GABBR2: variants seen among roughly 807,000 people sequenced by gnomAD.
GABBR2 encodes gamma-aminobutyric acid type B receptor subunit 2.
In GABBR2, 23 loss-of-function variants were observed where a neutral mutation model predicts 105.6. That is an observed-to-expected ratio of 0.22 (90% CI 0.16 to 0.31). The LOEUF is 0.31. Ranked by LOEUF, GABBR2 falls within the 10% of genes least tolerant of loss-of-function variation. GABBR2 has a pLI of 1.00. For synonymous variants in GABBR2, 478 were observed against 499.7 expected, an observed-to-expected ratio of 0.96 and a Z score of 0.58; for missense variants, 734 against 1,245.5, an observed-to-expected ratio of 0.59 and a Z score of 6.18.
At chr9:98,537,954 T>C (rs1681205357) in intron 3 of GABBR2, among the ~76,000 whole-genome samples, 1 of 152,136 alleles carries the variant, frequency 6.6e-6, no homozygotes, top group African/African-American at 2.4e-5. Context: ...GCCTCACCAC[T>C]CACCCCCAGG....
intron 17 of GABBR2, among the ~76,000 whole-genome samples, chr9:98,297,154 AATTTAAAATGCC>A (rs2131340995): frequency 6.6e-6 from 1 of 152,224 alleles, no homozygotes; most frequent in East Asian, 1.9e-4. Flanking sequence ...TTTTCCCACA[AATTTAAAATGCC>A]CACTTTTACC....
At chr9:98,522,699 G>A (rs1827890552) in intron 3 of GABBR2, among the ~76,000 whole-genome samples, 1 of 152,162 alleles carries the variant, frequency 6.6e-6, no homozygotes. Flanking sequence ...ATGTACTCAT[G>A]CCACAGAGAG....
At chr9:98,666,995 C>T (rs1336797245) in intron 1 of GABBR2, among the ~76,000 whole-genome samples, 2 of 152,090 alleles carry the variant, frequency 1.3e-5, no homozygotes, top group Admixed American at 6.5e-5. Flanking sequence ...GCTCCGTGGT[C>T]CTTTGCCCAA....
At chr9:98,375,031 C>T (rs910864301) in intron 11 of GABBR2, 1 of 152,170 alleles carries the variant, frequency 6.6e-6, no homozygotes, top group African/African-American at 2.4e-5. Flanking sequence ...CACAGTGAGT[C>T]CCCATATTAA....
At chr9:98,544,876 G>A (rs990363475) in intron 2 of GABBR2, among the ~76,000 whole-genome samples, 2 of 152,136 alleles carry the variant, frequency 1.3e-5, no homozygotes, top group Non-Finnish European at 2.9e-5. Context: ...TAGTGAGTGC[G>A]GGAAATAAAG....
chr9:98,431,248 A>ATCTT (rs962466859), intron 7 of GABBR2, among the ~76,000 whole-genome samples: 4 of 151,884 alleles, frequency 2.6e-5, no homozygotes, highest in Non-Finnish European at 4.4e-5. Context: ...CCTCCTACAC[A>ATCTT]TCTTTCTTTC....
chr9:98,640,574 T>C (rs993503883), intron 1 of GABBR2, among the ~76,000 whole-genome samples: 7 of 152,096 alleles, frequency 4.6e-5, no homozygotes, highest in Non-Finnish European at 2.9e-5. Context: ...TGGATGTACA[T>C]GGAGTGTACG....
chr9:98,692,672 C>T lies in GABBR2; in HGVS notation c.321+15745G>A, dbSNP rs372576061. On this transcript the variant is annotated intron_variant, in intron 1 of 18. Coordinates refer to ENST00000259455, the MANE Select transcript of GABBR2 (RefSeq NM_005458.8). ...GGCACTGGGCTCAGAGTCGGGCCAA[C>T]TTAGACTCGCTGCCTCACACCCCAG... Among the ~76,000 whole-genome samples, 6 of 152,230 alleles carry T rather than the reference C, an allele frequency of 3.9e-5. No individual in the cohort carries two copies. In the South Asian group the frequency reaches 8.3e-4, roughly 21 times the overall value.
At chr9:98,682,009 CG>C (rs753889097) in intron 1 of GABBR2, among the ~76,000 whole-genome samples, 1 of 152,004 alleles carries the variant, frequency 6.6e-6, no homozygotes, top group Non-Finnish European at 1.5e-5. Flanking sequence ...TGGAGACAGG[CG>C]GATCACTTGA....
At chr9:98,323,124 A>G (rs1564016804) in intron 13 of GABBR2, among the ~76,000 whole-genome samples, 1 of 152,132 alleles carries the variant, frequency 6.6e-6, no homozygotes. Context: ...GGGGAGTGGA[A>G]CTGTGACTTG....
Position 98,542,053 on chromosome 9 carries a change from A to G in GABBR2, c.460-10T>C, listed in dbSNP as rs745358488. ...TTGCAGCAAAAGAAAGCTGAAAAAC[A>G]CAAAAGAGACAACGCTTTTTACTGA... On this transcript the variant is annotated splice_polypyrimidine_tract_variant and intron_variant, in intron 2 of 18. Transcript: ENST00000259455. 6.2e-7 allele frequency: 1 copy of G among 1,612,928 alleles called. No homozygotes were observed. Among genetic ancestry groups the G allele is most frequent in the Non-Finnish European group, 8.5e-7 (1 of 1,179,182 alleles).
At chr9:98,300,005 C>T (rs548119815) in intron 16 of GABBR2, among the ~76,000 whole-genome samples, 44 of 151,862 alleles carry the variant, frequency 2.9e-4, no homozygotes, top group Non-Finnish European at 4.3e-4. Context: ...TGGGACTACA[C>T]GTGCATGCTA....
chr9:98,529,779 T>C (rs1160006792), intron 3 of GABBR2, among the ~76,000 whole-genome samples: 1 of 152,190 alleles, frequency 6.6e-6, no homozygotes, highest in Non-Finnish European at 1.5e-5. Context: ...CAATTGGCCC[T>C]CAGGACTGCT....
At chr9:98,312,974 T>A (rs1040606838) in intron 13 of GABBR2, among the ~76,000 whole-genome samples, 1 of 152,212 alleles carries the variant, frequency 6.6e-6, no homozygotes, top group Non-Finnish European at 1.5e-5. Flanking sequence ...GGTCTTGAGC[T>A]GCCGACCTTA....
intron 13 of GABBR2, among the ~76,000 whole-genome samples, chr9:98,353,693 G>A (rs916353467): frequency 2.6e-5 from 4 of 152,138 alleles, no homozygotes; most frequent in Admixed American, 6.5e-5. Context: ...GAGCTCTTGG[G>A]TAATCAGGTG....
At chr9:98,537,169 C>G (rs1046943259) in intron 3 of GABBR2, among the ~76,000 whole-genome samples, 1 of 152,178 alleles carries the variant, frequency 6.6e-6, no homozygotes, top group South Asian at 2.1e-4. Flanking sequence ...ATTTTCAAAG[C>G]TCCCCAGATG....
intron 13 of GABBR2, among the ~76,000 whole-genome samples, chr9:98,359,196 G>T (rs557850544): frequency 6.6e-6 from 1 of 152,322 alleles, no homozygotes; most frequent in East Asian, 1.9e-4. Context: ...GGGAGGCTGA[G>T]GCAGGTGGAT....
intron 5 of GABBR2, 142 bp downstream of exon 5, chr9:98,480,790 A>T (rs1341193882): frequency 7.8e-6 from 5 of 644,820 alleles, no homozygotes; most frequent in South Asian, 5.2e-5. Flanking sequence ...AGGAAAGAAC[A>T]GTGAACGCAA....
intron 13 of GABBR2, among the ~76,000 whole-genome samples, chr9:98,317,528 T>A (rs1830739346): frequency 6.6e-6 from 1 of 152,142 alleles, no homozygotes; most frequent in African/African-American, 2.4e-5. Context: ...CTTGGGCAAA[T>A]CCCTGCCCTT....
Sources: gnomAD v4.1 joint callset for allele counts (sites outside exome capture counted in the v4.1 genomes callset) on GRCh38, gnomAD v4.1.1 for gene constraint, MANE v1.5 for transcripts, NCBI Gene and HGNC (gene_info 2026-07-23, HGNC 2026-07-21) for gene names.